TMEM175: variants seen among roughly 807,000 people sequenced by gnomAD.
The protein encoded by TMEM175 is endosomal/lysosomal proton channel TMEM175.
In TMEM175, 36 loss-of-function variants were observed where a neutral mutation model predicts 36.5. That is an observed-to-expected ratio of 0.99 (90% CI 0.76 to 1.30). The LOEUF (loss-of-function observed/expected upper bound fraction) is 1.30, where lower values mean the gene tolerates loss of function less well. Ranked by LOEUF, TMEM175 falls within the 50% of genes most tolerant of loss-of-function variation. The pLI, the probability that TMEM175 is intolerant of heterozygous loss-of-function variation, is 0.00. For missense variants in TMEM175, 705 were observed against 692.8 expected (o/e 1.02, Z -0.20); for synonymous variants, 339 against 313.4 (o/e 1.08, Z -0.86).
intron 1 of TMEM175, among the ~76,000 whole-genome samples, chr4:933,882 AATAT>A (rs1418321395): frequency 6.6e-6 from 1 of 152,238 alleles, no homozygotes; most frequent in African/African-American, 2.4e-5. Flanking sequence ...CATCTTTAAA[AATAT>A]ATATAACAAA....
At chr4:936,081 G>A (rs2152995988) in intron 1 of TMEM175, among the ~76,000 whole-genome samples, 1 of 152,288 alleles carries the variant, frequency 6.6e-6, no homozygotes, top group Non-Finnish European at 1.5e-5. Flanking sequence ...GCTGGGCACG[G>A]TAGCTCACTT....
At position 958,520 on chromosome 4, in the gene TMEM175, C is replaced by T. The variant is rs779154793; in HGVS notation, c.*24C>T. The T allele has an allele frequency of 6.2e-5, 91 of 1,472,344 alleles. No homozygotes were observed. The East Asian group carries it at 1.8e-3, about 29-fold the overall frequency. 91.2% of individuals were successfully genotyped at this position (1,472,344 alleles called of 1,614,324 possible). The stretch of plus-strand genomic sequence containing the variant: ...AGCAGCCACAGAGCCCACTCCCAGC[C>T]GTCCTCACCAGAGATGGACCAGGGA... On this transcript the variant is annotated 3_prime_UTR_variant, in exon 11 of 11. Transcript: ENST00000264771.
In TMEM175 at chr4:932,549, G is replaced by C; in HGVS notation, c.-32+9G>C. On this transcript the variant is annotated intron_variant, in intron 1 of 10. Coordinates refer to ENST00000264771, the MANE Select transcript of TMEM175 (RefSeq NM_032326.4). The surrounding 1 kb of genome is among the most constrained non-coding windows in gnomAD (Gnocchi z 4.0). The stretch of plus-strand genomic sequence containing the variant: ...AGGCGATTCCCGCCCAGGTAGTTCA[G>C]CGCCCCAGTCCAGCTCCCGGTACCG... 4.5e-6 allele frequency: 2 copies of C among 449,396 alleles called. No homozygotes were observed. The highest frequency in any genetic ancestry group is 7.8e-6 in the Non-Finnish European group (2 of 257,430). The allele number at this position is 449,396 out of a possible 1,614,324, so 27.8% of individuals were successfully genotyped here. A position where few individuals can be genotyped will look rare whatever the true frequency, so the allele number is the denominator to read the frequency against.
chr4:950,568 G>T (rs776854504), intron 4 of TMEM175, 50 bp downstream of exon 4: 2 of 1,390,368 alleles, frequency 1.4e-6, no homozygotes, highest in East Asian at 4.6e-5. Flanking sequence ...CAAGGTTCCC[G>T]TACCCCGCAC....
intron 1 of TMEM175, among the ~76,000 whole-genome samples, chr4:947,038 C>A (rs1364342955): frequency 7.4e-6 from 1 of 134,794 alleles, no homozygotes; most frequent in South Asian, 2.4e-4. Flanking sequence ...GCCCCAGGCA[C>A]GCGTGCACGG....
At chr4:950,112 T>C (rs1359602485) in intron 3 of TMEM175, among the ~76,000 whole-genome samples, 6 of 150,872 alleles carry the variant, frequency 4.0e-5, no homozygotes, top group African/African-American at 1.5e-4. Flanking sequence ...ACACAGCCCA[T>C]AGAACACTCT....
At chr4:952,553 G>A in intron 7 of TMEM175, 103 bp downstream of exon 7, 1 of 1,172,718 alleles carries the variant, frequency 8.5e-7, no homozygotes, top group Admixed American at 1.9e-5. Context: ...GGGGGCCCAG[G>A]GGGCCTGCAC....
At chr4:946,980 G>A (rs535672106) in intron 1 of TMEM175, among the ~76,000 whole-genome samples, 162 of 143,556 alleles carry the variant, frequency 1.1e-3, no homozygotes, top group South Asian at 9.5e-3. Context: ...CCAGGCACGC[G>A]TGCACAGGCG....
rs1395603720 is a variant in TMEM175 at position 932,530 on chromosome 4, T to A, written c.-42T>A. ...GCGCGCGGAACAGTCGCCGAGGCGA[T>A]TCCCGCCCAGGTAGTTCAGCGCCCC... is the stretch of plus-strand genomic sequence containing the variant. On this transcript the variant is annotated 5_prime_UTR_variant, in exon 1 of 11. Coordinates refer to ENST00000264771, the MANE Select transcript of TMEM175 (RefSeq NM_032326.4). This position sits in a 1 kb window ranked among gnomAD's most constrained non-coding sequence, Gnocchi z 4.0. 6.6e-6 allele frequency: 3 copies of A among 455,800 alleles called. No individual in the cohort carries two copies. The highest frequency in any genetic ancestry group is 1.1e-5 in the Non-Finnish European group (3 of 261,546). The allele number at this position is 455,800 out of a possible 1,614,324, so 28.2% of individuals were successfully genotyped here.
chr4:935,453 A>C (rs189946383), intron 1 of TMEM175, among the ~76,000 whole-genome samples: 4 of 152,228 alleles, frequency 2.6e-5, no homozygotes, highest in African/African-American at 9.6e-5. Context: ...GTAATGAAGA[A>C]GGGGTGAATT....
intron 4 of TMEM175, among the ~76,000 whole-genome samples, chr4:950,927 G>A (rs1355928210): frequency 6.7e-6 from 1 of 148,408 alleles, no homozygotes; most frequent in Non-Finnish European, 1.5e-5. Flanking sequence ...GGATGGTGTG[G>A]ATGGTGCAAT....
intron 5 of TMEM175, 175 bp from the exon 6 acceptor site, chr4:951,507 A>G (rs1458383000): frequency 2.3e-6 from 2 of 853,874 alleles, no homozygotes; most frequent in Non-Finnish European, 3.7e-6. Context: ...TGTAGGGGAC[A>G]GAGAGGATGA....
chr4:933,725 C>T (rs1382795907), intron 1 of TMEM175, among the ~76,000 whole-genome samples: 3 of 152,174 alleles, frequency 2.0e-5, no homozygotes, highest in Non-Finnish European at 4.4e-5. Context: ...TGTTCTCCAA[C>T]TCAAAAATGG....
Position 958,136 on chromosome 4 carries a change from G to A in TMEM175, c.1155G>A (p.Leu385=). The A allele has an allele frequency of 6.2e-7, 1 of 1,603,164 alleles. No homozygotes were observed. Among genetic ancestry groups the A allele is most frequent in the Non-Finnish European group, 8.5e-7 (1 of 1,179,644 alleles). Residue 385 remains leucine, a synonymous_variant, in exon 11 of 11, where the codon CTG becomes CTA. Transcript: ENST00000264771. ...GTGTCAGCTGCACCATCATCTTCCT[G>A]GCCAGCATCTTCCAGCTGGCCATGT... is the stretch of plus-strand genomic sequence containing the variant. ...RVRVSCTIIF[L]ASIFQLAMWT... is the part of the protein sequence containing the mutation.
chr4:938,014 C>G (rs1192132154), intron 1 of TMEM175, among the ~76,000 whole-genome samples: 1 of 151,586 alleles, frequency 6.6e-6, no homozygotes, highest in Non-Finnish European at 1.5e-5. Context: ...AAAAACTCAG[C>G]AAACTAGGAA....
At position 955,898 on chromosome 4, in the gene TMEM175, C is replaced by T. The variant is rs769414249; in HGVS notation, c.842+8C>T. ...TCTCATCCTGGACATCTGGTGAGGA[C>T]CCCGCGTCACCTGCCCCAGCTATCA... On this transcript the variant is annotated splice_region_variant and intron_variant, in intron 10 of 10. Transcript: ENST00000264771. The T allele has an allele frequency of 5.6e-6, 9 of 1,609,908 alleles. No individual in the cohort carries two copies. The South Asian group carries it at 9.9e-5, about 18-fold the overall frequency.
intron 1 of TMEM175, among the ~76,000 whole-genome samples, chr4:933,718 T>C (rs973045573): frequency 6.6e-6 from 1 of 152,128 alleles, no homozygotes; most frequent in African/African-American, 2.4e-5. Flanking sequence ...AGTTATTTGT[T>C]CTCCAACTCA....
intron 2 of TMEM175, 27 bp downstream of exon 2, chr4:947,919 T>C: frequency 6.2e-7 from 1 of 1,613,852 alleles, no homozygotes; most frequent in Non-Finnish European, 8.5e-7. Flanking sequence ...TGCTTAGGCC[T>C]GCCCCACCCC....
In TMEM175 at chr4:944,533, G is replaced by A. The variant is rs185746688; in HGVS notation, c.-31-3176G>A. Among the ~76,000 whole-genome samples, 135 of 152,166 alleles carry A rather than the reference G, an allele frequency of 8.9e-4. 1 individual carries two copies. Among genetic ancestry groups the A allele is most frequent in the Middle Eastern group, 3.4e-3 (1 of 294 alleles). On this transcript the variant is annotated intron_variant, in intron 1 of 10. Transcript: ENST00000264771. ...CCCTCCCTGCCTGGGTTGCTGCAGC[G>A]CTGTCTGGAAGTTGGCGAACATTGT...
Sources: allele counts gnomAD v4.1 joint callset (sites outside exome capture counted in the v4.1 genomes callset), GRCh38; gene constraint gnomAD v4.1.1; non-coding constraint Gnocchi (gnomAD v3.1); transcripts MANE v1.5; gene names NCBI Gene and HGNC (gene_info 2026-07-23, HGNC 2026-07-21).